Variants in LUZP2 observed in about 807,000 individuals in gnomAD.
LUZP2 encodes leucine zipper protein 2.
Under a neutral mutation model 51.6 loss-of-function variants are expected in LUZP2, and 52 were observed. That is an observed-to-expected ratio of 1.01 (90% CI 0.81 to 1.27). The LOEUF is 1.27. Among genes scored for constraint, LUZP2 ranks in the 50% most tolerant of loss-of-function variants. The pLI is 0.00. For missense variants in LUZP2, 436 were observed against 395.4 expected (o/e 1.10, Z -0.87); for synonymous variants, 154 against 137.3 (o/e 1.12, Z -0.85).
chr11:24,976,717 A>G, intron 8 of LUZP2, 52 bp downstream of exon 8: 1 of 878,942 alleles, frequency 1.1e-6, no homozygotes, highest in Non-Finnish European at 1.7e-6. Context: ...AAAAAAAAAA[A>G]AAAAAAAAAA....
chr11:24,720,423 AGT>A (rs1459119484), intron 1 of LUZP2, among the ~76,000 whole-genome samples: 1 of 152,234 alleles, frequency 6.6e-6, no homozygotes, highest in Non-Finnish European at 1.5e-5. Context: ...TTATTTTGAT[AGT>A]GTGAGATTTA....
intron 7 of LUZP2, among the ~76,000 whole-genome samples, chr11:24,962,091 C>T (rs1274121323): frequency 6.6e-6 from 1 of 152,188 alleles, no homozygotes; most frequent in South Asian, 2.1e-4. Context: ...TCTCTTCTGG[C>T]TTGTAGAGTT....
intron 1 of LUZP2, among the ~76,000 whole-genome samples, chr11:24,549,634 GT>G (rs1851665875): frequency 6.6e-6 from 1 of 152,030 alleles, no homozygotes; most frequent in South Asian, 2.1e-4. Context: ...TAAGTAATGT[GT>G]TACACCATGA....
At chr11:24,716,725 A>T (rs1302286275) in intron 1 of LUZP2, among the ~76,000 whole-genome samples, 13 of 152,026 alleles carry the variant, frequency 8.6e-5, no homozygotes, top group African/African-American at 3.1e-4. Flanking sequence ...GTGAAACCCT[A>T]TCTGTACTAA....
At chr11:24,725,109 T>C (rs1038515740) in intron 1 of LUZP2, among the ~76,000 whole-genome samples, 14 of 152,182 alleles carry the variant, frequency 9.2e-5, no homozygotes, top group Admixed American at 8.5e-4. Context: ...GACATGCTTA[T>C]TCTAAAATTC....
At chr11:24,944,962 C>T (rs547967867) in intron 7 of LUZP2, among the ~76,000 whole-genome samples, 1 of 152,272 alleles carries the variant, frequency 6.6e-6, no homozygotes, top group South Asian at 2.1e-4. Flanking sequence ...CTCATACGTA[C>T]ATTTATGCAT....
At chr11:25,008,490 A>G (rs2133954184) in intron 9 of LUZP2, among the ~76,000 whole-genome samples, 1 of 152,266 alleles carries the variant, frequency 6.6e-6, no homozygotes, top group South Asian at 2.1e-4. Flanking sequence ...GCAGCGAATA[A>G]GGGCCTATCA....
intron 5 of LUZP2, among the ~76,000 whole-genome samples, chr11:24,820,166 A>C (rs1564937675): frequency 6.6e-6 from 1 of 152,182 alleles, no homozygotes; most frequent in Non-Finnish European, 1.5e-5. Flanking sequence ...AGGTGAACGC[A>C]TACAGTGACA....
intron 1 of LUZP2, among the ~76,000 whole-genome samples, chr11:24,728,445 G>T (rs555237141): frequency 6.6e-6 from 1 of 152,052 alleles, no homozygotes; most frequent in Non-Finnish European, 1.5e-5. Context: ...GTAATCTTTT[G>T]TCTGGACTAT....
At chr11:24,872,731 G>A (rs927722349) in intron 5 of LUZP2, among the ~76,000 whole-genome samples, 1 of 151,954 alleles carries the variant, frequency 6.6e-6, no homozygotes, top group Non-Finnish European at 1.5e-5. Context: ...ATGACTATAT[G>A]GCATATGCAA....
chr11:25,029,005 A>G (rs1158513955), intron 9 of LUZP2, among the ~76,000 whole-genome samples: 1 of 152,226 alleles, frequency 6.6e-6, no homozygotes, highest in Non-Finnish European at 1.5e-5. Context: ...ACATGTTCTC[A>G]CATATTTGTG....
chr11:24,646,781 C>G (rs1590289531), intron 1 of LUZP2, among the ~76,000 whole-genome samples: 4 of 152,032 alleles, frequency 2.6e-5, no homozygotes, highest in Non-Finnish European at 5.9e-5. Context: ...ACATGCTTCT[C>G]ATGTCACTGG....
chr11:25,040,424 T>C (rs932783369), intron 9 of LUZP2, among the ~76,000 whole-genome samples: 1 of 148,888 alleles, frequency 6.7e-6, no homozygotes, highest in African/African-American at 2.5e-5. Context: ...AAGAGGGAAC[T>C]CAAGGTGAAC....
At chr11:24,813,722 A>G (rs1480958208) in intron 5 of LUZP2, among the ~76,000 whole-genome samples, 2 of 152,188 alleles carry the variant, frequency 1.3e-5, no homozygotes, top group African/African-American at 4.8e-5. Flanking sequence ...TATCCAAACT[A>G]TATCAGAGCC....
At chr11:24,788,059 A>G (rs192147860) in intron 5 of LUZP2, among the ~76,000 whole-genome samples, 188 of 152,268 alleles carry the variant, frequency 1.2e-3, no homozygotes, top group African/African-American at 4.1e-3. Context: ...ATGTCTACTT[A>G]AATTCATTAT....
At chr11:24,854,554 C>T (rs1051087974) in intron 5 of LUZP2, among the ~76,000 whole-genome samples, 1 of 151,874 alleles carries the variant, frequency 6.6e-6, no homozygotes, top group Non-Finnish European at 1.5e-5. Flanking sequence ...GCTTGCTGGG[C>T]TCCATGGGGG....
At chr11:24,642,079 G>A (rs570908963) in intron 1 of LUZP2, among the ~76,000 whole-genome samples, 1 of 151,600 alleles carries the variant, frequency 6.6e-6, no homozygotes, top group African/African-American at 2.4e-5. Context: ...TAGTAGAGAC[G>A]AGGTTTCACT....
At chr11:24,600,457 A>G (rs865843120) in intron 1 of LUZP2, among the ~76,000 whole-genome samples, 2 of 152,166 alleles carry the variant, frequency 1.3e-5, no homozygotes, top group Non-Finnish European at 1.5e-5. Flanking sequence ...ATGAAGCAAT[A>G]GGAAACTAAC....
chr11:24,809,479 C>G (rs918284988), intron 5 of LUZP2, among the ~76,000 whole-genome samples: 6 of 152,114 alleles, frequency 3.9e-5, no homozygotes, highest in African/African-American at 1.4e-4. Flanking sequence ...TTTCCTCTTT[C>G]ATCATACCTC....
Sources: gnomAD v4.1 joint callset for allele counts (sites outside exome capture counted in the v4.1 genomes callset) on GRCh38, gnomAD v4.1.1 for gene constraint, MANE v1.5 for transcripts, NCBI Gene and HGNC (gene_info 2026-07-23, HGNC 2026-07-21) for gene names.